RNF138: variants seen among roughly 807,000 people sequenced by gnomAD.
RNF138 encodes the protein E3 ubiquitin-protein ligase RNF138.
RNF138 carries 12 observed loss-of-function variants against 31.0 expected under a neutral mutation model. The ratio of observed to expected loss-of-function variants is 0.39; its 90% CI spans 0.25 to 0.63. The LOEUF (loss-of-function observed/expected upper bound fraction) is 0.63, where lower values mean the gene tolerates loss of function less well. RNF138 is among the 20% of genes least tolerant of loss of function. RNF138 has a pLI of 0.52. For synonymous variants in RNF138, 105 were observed against 99.5 expected (o/e 1.06, Z -0.33); for missense variants, 192 against 300.1 (o/e 0.64, Z 2.66).
chr18:32,126,912 T>G (rs1301928181), intron 7 of RNF138, 112 bp downstream of exon 7: 1 of 628,632 alleles, frequency 1.6e-6, no homozygotes, highest in East Asian at 2.7e-5. Context: ...ACTGGATGGA[T>G]TTAGAGCAAG....
rs1216203307 is a variant in RNF138, at chr18:32,092,893, AGACGC to A, written c.110+8_110+12del. 4 of 1,490,962 alleles carry A rather than the reference AGACGC, an allele frequency of 2.7e-6. No homozygotes were observed. The highest frequency in any genetic ancestry group is 3.6e-6 in the Non-Finnish European group (4 of 1,104,962). 92.4% of individuals were successfully genotyped at this position (1,490,962 alleles called of 1,614,324 possible). ...CCACGGCCTGTCAGCACGTGTGAGT[AGACGC>A]CCCCTCCCCCTCGCGGAGCCGGGTT... On this transcript the variant is annotated splice_region_variant and intron_variant, in intron 2 of 7. Transcript: ENST00000261593.
chr18:32,126,951 C>T (rs944417332), intron 7 of RNF138, 151 bp downstream of exon 7: 1 of 551,628 alleles, frequency 1.8e-6, no homozygotes, highest in African/African-American at 1.9e-5. Flanking sequence ...TACTGGTGAA[C>T]TTTAGCTTGT....
chr18:32,128,595 T>C (rs1186871073), intron 7 of RNF138, among the ~76,000 whole-genome samples: 1 of 152,250 alleles, frequency 6.6e-6, no homozygotes, highest in Non-Finnish European at 1.5e-5. Context: ...AAAATCAGTT[T>C]ACTGTCAGAT....
At chr18:32,107,707 C>T (rs1355120974) in intron 2 of RNF138, among the ~76,000 whole-genome samples, 2 of 149,358 alleles carry the variant, frequency 1.3e-5, no homozygotes, top group Non-Finnish European at 1.5e-5. Flanking sequence ...TTAGTCAAGA[C>T]GGGGTTTCAC....
Position 32,129,211 on chromosome 18 carries a change from T to G in RNF138, c.*24T>G, listed in dbSNP as rs1171216006. ...GAAGGCTGTAGACATCTCTGCATCT[T>G]TGTACCTGCAAGTGCCATCTTTAAG... On this transcript the variant is annotated 3_prime_UTR_variant, in exon 8 of 8. Coordinates refer to ENST00000261593, the MANE Select transcript of RNF138 (RefSeq NM_016271.5). The G allele has an allele frequency of 4.5e-6, 7 of 1,547,464 alleles. No homozygotes were observed. Among genetic ancestry groups the G allele is most frequent in the Non-Finnish European group, 6.2e-6 (7 of 1,121,274 alleles).
intron 2 of RNF138, among the ~76,000 whole-genome samples, chr18:32,109,665 A>G (rs1359898221): frequency 6.6e-6 from 1 of 152,212 alleles, no homozygotes; most frequent in African/African-American, 2.4e-5. Context: ...AGATGGCTGG[A>G]TCACTTGAAC....
At chr18:32,105,845 A>G (rs953723960) in intron 2 of RNF138, among the ~76,000 whole-genome samples, 54 of 152,358 alleles carry the variant, frequency 3.5e-4, no homozygotes, top group African/African-American at 1.0e-3. Context: ...CAGAACAGAT[A>G]GCTTTCTATG....
At position 32,114,489 on chromosome 18, in the gene RNF138, G is replaced by A. The variant is rs2040183508; in HGVS notation, c.392+629G>A. ...CCAGTTACCTATTAACCCAGGTCAA[G>A]AAAGAACATTTTTCAAAACTTCAGG... is the stretch of plus-strand genomic sequence containing the variant. On this transcript the variant is annotated intron_variant, in intron 4 of 7. Transcript: ENST00000261593. Among the ~76,000 whole-genome samples the A allele has an allele frequency of 2.0e-5, 3 of 152,130 alleles. No homozygotes were observed. In the South Asian group the frequency reaches 6.2e-4, roughly 31 times the overall value.
At position 32,092,833 on chromosome 18, in the gene RNF138, C is replaced by G. The variant is rs1402054988; in HGVS notation, c.57C>G (p.Pro19=). ...TSYTEDDFYC[P]VCQEVLKTPV... ...ACACCGAAGATGATTTCTACTGCCC[C>G]GTCTGTCAGGAGGTGCTCAAAACGC... The change falls in exon 2 of 8, where the codon CCC becomes CCG. Residue 19 remains proline, a synonymous_variant. Coordinates refer to ENST00000261593, the MANE Select transcript of RNF138 (RefSeq NM_016271.5). 6.2e-7 allele frequency: 1 copy of G among 1,600,408 alleles called. No individual in the cohort carries two copies. Among genetic ancestry groups the G allele is most frequent in the East Asian group, 2.3e-5 (1 of 44,416 alleles).
intron 4 of RNF138, among the ~76,000 whole-genome samples, chr18:32,119,538 C>T (rs1056369165): frequency 6.6e-6 from 1 of 152,202 alleles, no homozygotes; most frequent in Non-Finnish European, 1.5e-5. Flanking sequence ...ATTCTTCTGC[C>T]TCAGACTCCC....
intron 1 of RNF138, among the ~76,000 whole-genome samples, 199 bp downstream of exon 1, chr18:32,092,434 C>T (rs2039708625): frequency 6.7e-6 from 1 of 148,852 alleles, no homozygotes; most frequent in African/African-American, 2.5e-5. Context: ...CCGGTGAGGG[C>T]GTGGCCTAGA....
chr18:32,116,016 A>C (rs1214934076), intron 4 of RNF138, among the ~76,000 whole-genome samples: 3 of 152,228 alleles, frequency 2.0e-5, no homozygotes, highest in African/African-American at 7.2e-5. Context: ...ATTGTCAAGA[A>C]ACTGCCTCAG....
chr18:32,128,286 C>G (rs1048089304), intron 7 of RNF138, among the ~76,000 whole-genome samples: 1 of 152,106 alleles, frequency 6.6e-6, no homozygotes, highest in African/African-American at 2.4e-5. Flanking sequence ...GCCTGTCATC[C>G]CAGTACTGTG....
intron 2 of RNF138, among the ~76,000 whole-genome samples, chr18:32,103,638 T>A (rs1015231010): frequency 3.9e-5 from 6 of 152,204 alleles, no homozygotes; most frequent in Admixed American, 2.0e-4. Context: ...ATTAAAAAAA[T>A]TTTTTTAGAC....
At chr18:32,114,359 G>A (rs777361070) in intron 4 of RNF138, among the ~76,000 whole-genome samples, 2 of 152,014 alleles carry the variant, frequency 1.3e-5, no homozygotes, top group Non-Finnish European at 2.9e-5. Context: ...GGATTGATTT[G>A]TATCTTATCT....
At chr18:32,128,273 C>T (rs1035336944) in intron 7 of RNF138, among the ~76,000 whole-genome samples, 3 of 152,218 alleles carry the variant, frequency 2.0e-5, no homozygotes, top group African/African-American at 7.2e-5. Context: ...CATGATGGCT[C>T]ATGCCTGTCA....
intron 5 of RNF138, chr18:32,124,097 G>C (rs1457204119): frequency 1.3e-5 from 2 of 152,572 alleles, no homozygotes; most frequent in Non-Finnish European, 2.9e-5. Context: ...CTTTCACTGT[G>C]GTCAGGTTTC....
rs188922125 is a variant in RNF138 at position 32,120,036 on chromosome 18, T to C, written c.393-3482T>C. 8.5e-5 allele frequency among the ~76,000 whole-genome samples: 13 copies of C among 152,316 alleles called. No homozygotes were observed. In the East Asian group the frequency reaches 2.5e-3, roughly 29 times the overall value. On this transcript the variant is annotated intron_variant, in intron 4 of 7. Coordinates refer to ENST00000261593, the MANE Select transcript of RNF138 (RefSeq NM_016271.5). ...CTCCCATAGTTTTGTCTGCTTCTTT[T>C]AAACCTAATGTTCTATATAATACTT...
chr18:32,117,910 A>T (rs1444414252), intron 4 of RNF138, among the ~76,000 whole-genome samples: 1 of 152,112 alleles, frequency 6.6e-6, no homozygotes, highest in Non-Finnish European at 1.5e-5. Flanking sequence ...AGTGGGGAGG[A>T]GGAGGGAAGA....
Sources: gnomAD v4.1 joint callset for allele counts (sites outside exome capture counted in the v4.1 genomes callset) on GRCh38, gnomAD v4.1.1 for gene constraint, MANE v1.5 for transcripts, NCBI Gene and HGNC (gene_info 2026-07-23, HGNC 2026-07-21) for gene names.